KLF5: variants seen among roughly 807,000 people sequenced by gnomAD.
The protein encoded by KLF5 is KLF transcription factor 5, also known as Krueppel-like factor 5.
Under a neutral mutation model 36.9 loss-of-function variants are expected in KLF5, and 9 were observed. The observed-to-expected ratio is 0.24, with a 90% CI of 0.15 to 0.43. The LOEUF (loss-of-function observed/expected upper bound fraction) is 0.43, where lower values mean the gene tolerates loss of function less well. KLF5 is among the 20% of genes least tolerant of loss of function. The pLI is 1.00. For missense variants in KLF5, 524 were observed against 599.5 expected, an observed-to-expected ratio of 0.87 and a Z score of 1.31; for synonymous variants, 246 against 241.7, an observed-to-expected ratio of 1.02 and a Z score of -0.17.
chr13:73,063,085 A>C (rs2044651933), intron 2 of KLF5, among the ~76,000 whole-genome samples: 1 of 152,140 alleles, frequency 6.6e-6, no homozygotes, highest in Non-Finnish European at 1.5e-5. Flanking sequence ...GGCCAGAGTT[A>C]CTTTAAAATG....
At chr13:73,062,823 G>A (rs1006147887) in intron 2 of KLF5, 89 bp downstream of exon 2, 89 of 1,177,120 alleles carry the variant, frequency 7.6e-5, no homozygotes, top group Middle Eastern at 2.0e-4. Flanking sequence ...GTGTGCACGC[G>A]CGTGCCCTTT....
intron 3 of KLF5, chr13:73,074,883 TG>T (rs2044748559): frequency 6.6e-6 from 1 of 152,248 alleles, no homozygotes; most frequent in Admixed American, 6.5e-5. Context: ...GGACAGTTCC[TG>T]GCCTATAATA....
At position 73,076,418 on chromosome 13, in the gene KLF5, A is replaced by G. The variant is rs1315246106; in HGVS notation, c.*532A>G. 2 of 152,664 alleles carry G rather than the reference A, an allele frequency of 1.3e-5. No homozygotes were observed. The highest frequency in any genetic ancestry group is 4.8e-5 in the African/African-American group (2 of 41,436). The allele number at this position is 152,664 out of a possible 1,614,324, so 9.5% of individuals were successfully genotyped here. On this transcript the variant is annotated 3_prime_UTR_variant, in exon 4 of 4. Coordinates refer to ENST00000377687, the MANE Select transcript of KLF5 (RefSeq NM_001730.5). Reference sequence around the variant, plus strand: ...TTATATACATATATGAGTTGCCTATATTTGCTATTCAAAATTTTGTAAATA... The same window carrying G: ...TTATATACATATATGAGTTGCCTATGTTTGCTATTCAAAATTTTGTAAATA...
intron 1 of KLF5, among the ~76,000 whole-genome samples, chr13:73,060,908 A>G (rs1051228995): frequency 5.3e-5 from 8 of 152,192 alleles, no homozygotes; most frequent in Admixed American, 4.6e-4. Context: ...ACCGTTTGAA[A>G]AGTATTTGGT....
Position 73,059,115 on chromosome 13 carries a change from C to T in KLF5, c.-213C>T, listed in dbSNP as rs73518687. On this transcript the variant is annotated 5_prime_UTR_variant, in exon 1 of 4. Coordinates refer to ENST00000377687, the MANE Select transcript of KLF5 (RefSeq NM_001730.5). The stretch of plus-strand genomic sequence containing the variant: ...GTGGGGCGGGGCGGGAGAAAGTGGC[C>T]GCCCGGAGGACGTTGGCGTTTACGT... The T allele has an allele frequency of 4.9e-6, 2 of 406,284 alleles. No individual in the cohort carries two copies. The highest frequency in any genetic ancestry group is 3.8e-5 in the East Asian group (1 of 26,100). 25.2% of individuals were successfully genotyped at this position (406,284 alleles called of 1,614,324 possible).
In KLF5 at chr13:73,076,602, A is replaced by G. The variant is rs1301554739; in HGVS notation, c.*716A>G. ...ATCATTTCTTTAGAGGGAAGGAATA[A>G]TCATTCAAATGAACTTTAAAAAAGC... On this transcript the variant is annotated 3_prime_UTR_variant, in exon 4 of 4. Coordinates refer to ENST00000377687, the MANE Select transcript of KLF5 (RefSeq NM_001730.5). 1.3e-5 allele frequency: 2 copies of G among 152,436 alleles called. No homozygotes were observed. Among genetic ancestry groups the G allele is most frequent in the Non-Finnish European group, 2.9e-5 (2 of 68,032 alleles). The allele number at this position is 152,436 out of a possible 1,614,324, so 9.4% of individuals were successfully genotyped here.
intron 3 of KLF5, among the ~76,000 whole-genome samples, chr13:73,069,657 C>G (rs2044708391): frequency 6.6e-6 from 1 of 152,114 alleles, no homozygotes; most frequent in Non-Finnish European, 1.5e-5. Context: ...TTTTTAATGA[C>G]TCACTGGGAA....
chr13:73,060,035 G>A (rs2044621531), intron 1 of KLF5, among the ~76,000 whole-genome samples: 1 of 151,774 alleles, frequency 6.6e-6, no homozygotes, highest in Non-Finnish European at 1.5e-5. Flanking sequence ...TTGGGGTGCT[G>A]GGGAGAGGTT....
At chr13:73,074,999 CT>C (rs149950464) in intron 3 of KLF5, 36 of 149,456 alleles carry the variant, frequency 2.4e-4, no homozygotes, top group South Asian at 8.4e-4. Flanking sequence ...GTTTCATGGT[CT>C]TTTTTTTTTA....
Position 73,059,315 on chromosome 13 carries a change from C to A in KLF5, c.-13C>A, listed in dbSNP as rs547202792. 4 of 1,363,864 alleles carry A rather than the reference C, an allele frequency of 2.9e-6. No individual in the cohort carries two copies. The highest frequency in any genetic ancestry group is 6.2e-5 in the East Asian group (2 of 32,182). 84.5% of individuals were successfully genotyped at this position (1,363,864 alleles called of 1,614,324 possible). On this transcript the variant is annotated 5_prime_UTR_variant, in exon 1 of 4. Coordinates refer to ENST00000377687, the MANE Select transcript of KLF5 (RefSeq NM_001730.5). ...CGCCCGACCCGCGCCTGGAGCTGCG[C>A]CCCCGAGTGCCCATGGCTACAAGGG...
chr13:73,074,682 G>A (rs1486027173), intron 3 of KLF5, among the ~76,000 whole-genome samples: 1 of 152,108 alleles, frequency 6.6e-6, no homozygotes, highest in Non-Finnish European at 1.5e-5. Flanking sequence ...AAGCTTTGGG[G>A]AGCATTAGGA....
In KLF5 at chr13:73,062,830, C is replaced by T. The variant is rs531650314; in HGVS notation, c.1135+96C>T. ...GTGTGCGTGTGTGCACGCGCGTGCC[C>T]TTTTCAACCTCATGGCTTTAAATAG... is the stretch of plus-strand genomic sequence containing the variant. On this transcript the variant is annotated intron_variant, in intron 2 of 3. Coordinates refer to ENST00000377687, the MANE Select transcript of KLF5 (RefSeq NM_001730.5). The T allele has an allele frequency of 3.8e-6, 4 of 1,040,070 alleles. No individual in the cohort carries two copies. The South Asian group carries it at 6.5e-5, about 17-fold the overall frequency. 64.4% of individuals were successfully genotyped at this position (1,040,070 alleles called of 1,614,324 possible). A position where few individuals can be genotyped will look rare whatever the true frequency, so the allele number is the denominator to read the frequency against.
upstream of KLF5, among the ~76,000 whole-genome samples, chr13:73,058,174 G>A (rs1157670255): frequency 6.6e-6 from 1 of 152,204 alleles, no homozygotes; most frequent in Non-Finnish European, 1.5e-5. Context: ...AGCTAGTCGT[G>A]CTTAAATTAG....
chr13:73,066,478 T>A (rs1264959149), intron 3 of KLF5, among the ~76,000 whole-genome samples: 1 of 152,226 alleles, frequency 6.6e-6, no homozygotes. Context: ...ACACAACAGT[T>A]GATGACATAA....
rs752925696 is a variant in KLF5 at position 73,061,911 on chromosome 13, T to C, written c.312T>C (p.Pro104=). Residue 104 remains proline, a synonymous_variant, in exon 2 of 4, where the codon CCT becomes CCC. Coordinates refer to ENST00000377687, the MANE Select transcript of KLF5 (RefSeq NM_001730.5). ...KYLTPQLPPV[P]IIPEHKKYRR... Reference sequence around the variant, plus strand: ...TGACACCTCAGCTTCCTCCAGTTCCTATAATTCCAGAGCATAAAAAGTATA... The same window carrying C: ...TGACACCTCAGCTTCCTCCAGTTCCCATAATTCCAGAGCATAAAAAGTATA... 59 of 1,614,042 alleles carry C rather than the reference T, an allele frequency of 3.7e-5. No homozygotes were observed. In the South Asian group the frequency reaches 5.7e-4, roughly 16 times the overall value.
chr13:73,066,641 ACTT>A (rs1183146295), intron 3 of KLF5, among the ~76,000 whole-genome samples: 10 of 152,222 alleles, frequency 6.6e-5, no homozygotes, highest in South Asian at 2.1e-4. Context: ...GAGTTTAATT[ACTT>A]CTTCTGGATT....
rs1594391415 is a variant in KLF5, at chr13:73,059,270, C to T, written c.-58C>T. Reference sequence around the variant, plus strand: ...CGCTGAGCTCGCCGACCCAAGCCAGCGTGGGCGAGGTGGGAAGTGCGCCCG... The same window carrying T: ...CGCTGAGCTCGCCGACCCAAGCCAGTGTGGGCGAGGTGGGAAGTGCGCCCG... On this transcript the variant is annotated 5_prime_UTR_variant, in exon 1 of 4. Transcript: ENST00000377687. 2 of 1,280,370 alleles carry T rather than the reference C, an allele frequency of 1.6e-6. No individual in the cohort carries two copies. The highest frequency in any genetic ancestry group is 2.0e-6 in the Non-Finnish European group (2 of 1,012,558). 79.3% of individuals were successfully genotyped at this position (1,280,370 alleles called of 1,614,324 possible). A position where few individuals can be genotyped will look rare whatever the true frequency, so the allele number is the denominator to read the frequency against.
intron 2 of KLF5, among the ~76,000 whole-genome samples, chr13:73,063,507 A>G (rs995452193): frequency 1.3e-5 from 2 of 152,240 alleles, no homozygotes; most frequent in Non-Finnish European, 2.9e-5. Flanking sequence ...GAGCCATTAA[A>G]ATTTTTAAAA....
chr13:73,075,517 G>T (rs114722787), intron 3 of KLF5, among the ~76,000 whole-genome samples, 191 bp from the exon 4 acceptor site: 1,924 of 152,156 alleles, frequency 0.013, 40 homozygotes, highest in African/African-American at 0.043. Flanking sequence ...ATACTTGGAG[G>T]TTATAAGAAA....
Sources: gnomAD v4.1 joint callset for allele counts (sites outside exome capture counted in the v4.1 genomes callset) on GRCh38, gnomAD v4.1.1 for gene constraint, MANE v1.5 for transcripts, NCBI Gene and HGNC (gene_info 2026-07-23, HGNC 2026-07-21) for gene names.